HK1: variants seen among roughly 807,000 people sequenced by gnomAD.
The protein encoded by HK1 is hexokinase-1.
In HK1, 28 loss-of-function variants were observed where a neutral mutation model predicts 91.6. The ratio of observed to expected loss-of-function variants is 0.31; its 90% CI spans 0.23 to 0.42. HK1 has a LOEUF of 0.42. Among genes scored for constraint, HK1 ranks in the 10% least tolerant of loss-of-function variants. The pLI, the probability that HK1 is intolerant of heterozygous loss-of-function variation, is 1.00. For missense variants in HK1, 770 were observed against 1,219.8 expected, an observed-to-expected ratio of 0.63 and a Z score of 5.49; for synonymous variants, 430 against 468.1, an observed-to-expected ratio of 0.92 and a Z score of 1.05.
chr10:69,344,815 C>T (rs1196331532), intron 2 of HK1, among the ~76,000 whole-genome samples: 2 of 149,756 alleles, frequency 1.3e-5, no homozygotes, highest in Non-Finnish European at 1.5e-5. Flanking sequence ...TCCAGCGTGG[C>T]GCCCTCACAG....
chr10:69,376,846 G>A (rs1359268648), intron 7 of HK1, 88 bp from the exon 8 acceptor site: 1 of 1,533,976 alleles, frequency 6.5e-7, no homozygotes, highest in Non-Finnish European at 9.0e-7. Flanking sequence ...GGTGAGTCGG[G>A]GCTTCCCATT....
chr10:69,389,604 G>A (rs1173798024), intron 14 of HK1, among the ~76,000 whole-genome samples: 1 of 152,074 alleles, frequency 6.6e-6, no homozygotes, highest in Non-Finnish European at 1.5e-5. Flanking sequence ...CAGGTACCTG[G>A]AGCGGGCCTG....
chr10:69,394,498 A>G (rs1032076744), intron 15 of HK1, among the ~76,000 whole-genome samples: 2 of 152,072 alleles, frequency 1.3e-5, no homozygotes, highest in African/African-American at 4.8e-5. Context: ...GGGGACTCAG[A>G]GCTGAAAAAG....
intron 2 of HK1, among the ~76,000 whole-genome samples, chr10:69,355,463 C>T (rs559161460): frequency 6.6e-6 from 1 of 152,238 alleles, no homozygotes; most frequent in East Asian, 1.9e-4. Context: ...GGTAGACATG[C>T]AGACTAATGG....
chr10:69,309,129 C>T (rs956783253), intron 5 of HK1, among the ~76,000 whole-genome samples: 27 of 152,082 alleles, frequency 1.8e-4, no homozygotes, highest in Non-Finnish European at 3.5e-4. Flanking sequence ...GAGCTATGAT[C>T]ATACCACTGC....
At position 69,281,687 on chromosome 10, in the gene HK1, A is replaced by G. The variant is rs142249858; in HGVS notation, c.-390-842A>G. Among the ~76,000 whole-genome samples, 4 of 152,344 alleles carry G rather than the reference A, an allele frequency of 2.6e-5. No homozygotes were observed. In the East Asian group the frequency reaches 7.7e-4, roughly 29 times the overall value. The stretch of plus-strand genomic sequence containing the variant: ...CAGAGAATGTAAGCTCCATGAAGAC[A>G]GGATATACGAATAGTAGGAAAAAAG... On this transcript the variant is annotated intron_variant, in intron 1 of 21. Transcript: ENST00000360289.
At chr10:69,381,883 T>A (rs1839407066) in intron 9 of HK1, among the ~76,000 whole-genome samples, 2 of 152,244 alleles carry the variant, frequency 1.3e-5, no homozygotes, top group Admixed American at 1.3e-4. Context: ...ACCGTGCTTT[T>A]GACCACTGTG....
intron 1 of HK1, among the ~76,000 whole-genome samples, chr10:69,330,591 G>A (rs922471156): frequency 6.6e-6 from 1 of 152,126 alleles, no homozygotes; most frequent in African/African-American, 2.4e-5. Context: ...TAGTAATATG[G>A]CATTTGAGAA....
chr10:69,382,818 C>A, intron 10 of HK1, 27 bp downstream of exon 10: 3 of 1,602,976 alleles, frequency 1.9e-6, no homozygotes, highest in Non-Finnish European at 2.6e-6. Flanking sequence ...GGCTGACATG[C>A]CTGTCCTGCT....
intron 3 of HK1, chr10:69,292,175 A>G (rs72805671): frequency 0.022 from 5,494 of 248,454 alleles, 95 homozygotes; most frequent in Non-Finnish European, 0.036. Flanking sequence ...AGCTCAACTG[A>G]TCCTCTTGCC....
At chr10:69,377,168 C>A in intron 8 of HK1, 79 bp downstream of exon 8, 1 of 1,540,916 alleles carries the variant, frequency 6.5e-7, no homozygotes, top group Non-Finnish European at 9.0e-7. Flanking sequence ...TTCTTGAGTC[C>A]AAGTTTGGTG....
intron 1 of HK1, among the ~76,000 whole-genome samples, chr10:69,326,955 CTA>C (rs938398556): frequency 2.7e-5 from 4 of 147,442 alleles, no homozygotes; most frequent in African/African-American, 1.0e-4. Context: ...GCTATACTGA[CTA>C]TGTGTTTAAG....
intron 12 of HK1, among the ~76,000 whole-genome samples, chr10:69,385,663 C>G (rs1249535169): frequency 6.6e-6 from 1 of 152,200 alleles, no homozygotes; most frequent in Non-Finnish European, 1.5e-5. Context: ...GGGTTTAAGG[C>G]TTAATGAGCA....
At chr10:69,384,938 C>A (rs1198560279) in intron 12 of HK1, 23 bp downstream of exon 12, 1 of 1,614,060 alleles carries the variant, frequency 6.2e-7, no homozygotes, top group African/African-American at 1.3e-5. Flanking sequence ...TCTTAGGGCT[C>A]AGTGATCGGG....
chr10:69,283,124 CAAAAAAAA>C (rs34547808), intron 2 of HK1, among the ~76,000 whole-genome samples: 20 of 60,820 alleles, frequency 3.3e-4, no homozygotes, highest in African/African-American at 1.3e-3. Flanking sequence ...AACTCAGTTT[CAAAAAAAA>C]AAAAAAAAAA....
At chr10:69,352,300 A>G (rs1342326233) in intron 2 of HK1, among the ~76,000 whole-genome samples, 2 of 152,026 alleles carry the variant, frequency 1.3e-5, no homozygotes, top group Non-Finnish European at 2.9e-5. Flanking sequence ...GCTGAATTCA[A>G]TTTTTTAACC....
intron 1 of HK1, among the ~76,000 whole-genome samples, chr10:69,322,297 C>T (rs1020857876): frequency 1.2e-4 from 18 of 152,116 alleles, no homozygotes; most frequent in African/African-American, 4.1e-4. Flanking sequence ...GGTGTCATTT[C>T]TTTCCTCATT....
At position 69,307,291 on chromosome 10, in the gene HK1, G is replaced by A. The variant is rs149357974; in HGVS notation, c.27+6430G>A. Among the ~76,000 whole-genome samples, 629 of 152,182 alleles carry A rather than the reference G, an allele frequency of 4.1e-3. 1 individual carries two copies. Among genetic ancestry groups the A allele is most frequent in the African/African-American group, 0.014 (601 of 41,508 alleles). The stretch of plus-strand genomic sequence containing the variant: ...GAAGTCTCCACCCCCACCCCCCGGG[G>A]GAGGGCAACTTCTTCCATAACCCAC... On this transcript the variant is annotated intron_variant, in intron 5 of 21. Coordinates refer to the HK1 transcript ENST00000360289.
intron 4 of HK1, among the ~76,000 whole-genome samples, chr10:69,296,034 G>A (rs967669522): frequency 2.0e-5 from 3 of 152,098 alleles, no homozygotes; most frequent in Non-Finnish European, 2.9e-5. Context: ...CTCCCCTCCC[G>A]TCTTTTCCAT....
Sources: allele counts gnomAD v4.1 joint callset (sites outside exome capture counted in the v4.1 genomes callset), GRCh38; gene constraint gnomAD v4.1.1; transcripts MANE v1.5; gene names NCBI Gene and HGNC (gene_info 2026-07-23, HGNC 2026-07-21).